EPHA3: variants seen among roughly 807,000 people sequenced by gnomAD.
EPHA3 encodes the protein EPH receptor A3.
EPHA3 carries 42 observed loss-of-function variants against 107.1 expected under a neutral mutation model. That is an observed-to-expected ratio of 0.39 (90% CI 0.31 to 0.51). EPHA3 has a LOEUF of 0.51. Among genes scored for constraint, EPHA3 ranks in the 20% least tolerant of loss-of-function variants. The pLI, the probability that EPHA3 is intolerant of heterozygous loss-of-function variation, is 0.78. For synonymous variants in EPHA3, 461 were observed against 424.8 expected (o/e 1.09, Z -1.05); for missense variants, 1,183 against 1,211.2 (o/e 0.98, Z 0.35).
At chr3:89,236,593 A>AG (rs576273791) in intron 3 of EPHA3, among the ~76,000 whole-genome samples, 47,690 of 85,804 alleles carry the variant, frequency 0.56, 12,699 homozygotes, top group African/African-American at 0.74. Context: ...GGGTGGGGGG[A>AG]GGGGGGAGGG....
chr3:89,472,705 T>C, intron 16 of EPHA3, 86 bp downstream of exon 16: 5 of 1,425,432 alleles, frequency 3.5e-6, no homozygotes, highest in South Asian at 1.3e-5. Context: ...CATCTTGGCT[T>C]GACATGTTAC....
At chr3:89,444,824 A>G (rs576917122) in intron 13 of EPHA3, among the ~76,000 whole-genome samples, 2 of 152,292 alleles carry the variant, frequency 1.3e-5, no homozygotes, top group East Asian at 3.9e-4. Flanking sequence ...GGTTAGATAG[A>G]AAAGAGATAA....
chr3:89,341,215 C>T (rs1390449420), intron 4 of EPHA3, 144 bp downstream of exon 4: 1 of 813,924 alleles, frequency 1.2e-6, no homozygotes, highest in African/African-American at 1.7e-5. Flanking sequence ...GCTTCACTCC[C>T]CATGCTTGGC....
chr3:89,149,593 C>T (rs1704644744), intron 2 of EPHA3, among the ~76,000 whole-genome samples: 2 of 151,622 alleles, frequency 1.3e-5, no homozygotes, highest in Non-Finnish European at 2.9e-5. Flanking sequence ...ATTAACTCAT[C>T]ATTTAACATT....
chr3:89,235,951 A>G (rs1212207475), intron 3 of EPHA3, among the ~76,000 whole-genome samples: 8 of 152,216 alleles, frequency 5.3e-5, no homozygotes, highest in Non-Finnish European at 7.4e-5. Context: ...CAAAGCAAAC[A>G]TATATATTCA....
intron 2 of EPHA3, among the ~76,000 whole-genome samples, chr3:89,137,336 C>T (rs1704335355): frequency 6.6e-6 from 1 of 151,910 alleles, no homozygotes; most frequent in Non-Finnish European, 1.5e-5. Flanking sequence ...AAATAATTCA[C>T]ACAAAAGCTT....
intron 3 of EPHA3, among the ~76,000 whole-genome samples, chr3:89,329,405 T>G (rs571411678): frequency 6.6e-6 from 1 of 152,236 alleles, no homozygotes; most frequent in East Asian, 1.9e-4. Context: ...TGTTCTTCCT[T>G]ATGGTCCACA....
At chr3:89,147,824 C>G (rs796260297) in intron 2 of EPHA3, among the ~76,000 whole-genome samples, 33 of 151,930 alleles carry the variant, frequency 2.2e-4, no homozygotes, top group African/African-American at 7.7e-4. Context: ...AACAAAATGA[C>G]TCATATATTA....
rs780509420 is a variant in EPHA3, at chr3:89,407,382, A to C, written c.1697+11A>C. 6.2e-7 allele frequency: 1 copy of C among 1,604,176 alleles called. No homozygotes were observed. Among genetic ancestry groups the C allele is most frequent in the South Asian group, 1.1e-5 (1 of 90,806 alleles). ...TGTTTTGATTGGGAGGTGAGTTCAC[A>C]GTCTGTTTCACTATTCACTTTCTTT... On this transcript the variant is annotated intron_variant, in intron 8 of 16. Transcript: ENST00000336596.
intron 2 of EPHA3, among the ~76,000 whole-genome samples, chr3:89,185,129 G>T (rs1705533516): frequency 2.0e-5 from 3 of 152,006 alleles, no homozygotes; most frequent in Admixed American, 1.3e-4. Flanking sequence ...CCTAAACCTA[G>T]AAACATTATG....
intron 5 of EPHA3, among the ~76,000 whole-genome samples, chr3:89,346,571 C>T (rs1707660977): frequency 6.7e-6 from 1 of 149,344 alleles, no homozygotes; most frequent in Non-Finnish European, 1.5e-5. Context: ...TGTAGGTTGC[C>T]TGTTCACTCT....
intron 15 of EPHA3, among the ~76,000 whole-genome samples, chr3:89,468,317 A>G (rs1710330796): frequency 1.3e-5 from 2 of 151,986 alleles, no homozygotes; most frequent in South Asian, 2.1e-4. Context: ...AGTTGGGGTC[A>G]CTAATCCTTA....
chr3:89,391,277 C>T (rs1198322067), intron 5 of EPHA3, among the ~76,000 whole-genome samples: 3 of 151,966 alleles, frequency 2.0e-5, no homozygotes, highest in African/African-American at 7.3e-5. Flanking sequence ...TTTTCAGTAC[C>T]GCTGTGTAAG....
chr3:89,234,502 G>C (rs1480297665), intron 3 of EPHA3, among the ~76,000 whole-genome samples: 1 of 152,016 alleles, frequency 6.6e-6, no homozygotes, highest in Admixed American at 6.6e-5. Flanking sequence ...AATTTTGATG[G>C]GTTAAAATTT....
intron 3 of EPHA3, among the ~76,000 whole-genome samples, chr3:89,313,488 C>G: frequency 6.6e-6 from 1 of 151,738 alleles, no homozygotes. Context: ...ATTTTCAATC[C>G]TCCATTGACC....
chr3:89,275,029 A>G (rs1347646787), intron 3 of EPHA3, among the ~76,000 whole-genome samples: 1 of 152,022 alleles, frequency 6.6e-6, no homozygotes, highest in African/African-American at 2.4e-5. Flanking sequence ...GAACTTTGCT[A>G]ATGATGAAAC....
At chr3:89,448,696 A>T (rs1324383828) in intron 13 of EPHA3, among the ~76,000 whole-genome samples, 1 of 152,150 alleles carries the variant, frequency 6.6e-6, no homozygotes, top group East Asian at 1.9e-4. Context: ...ATTGTGTTGA[A>T]GAGAGTTTTT....
chr3:89,385,729 A>T (rs926268431), intron 5 of EPHA3, among the ~76,000 whole-genome samples: 6 of 152,184 alleles, frequency 3.9e-5, no homozygotes, highest in African/African-American at 1.2e-4. Context: ...AAACAGGCTA[A>T]GGTTAGAACA....
At chr3:89,168,243 T>G (rs762611292) in intron 2 of EPHA3, among the ~76,000 whole-genome samples, 1 of 152,160 alleles carries the variant, frequency 6.6e-6, no homozygotes, top group Non-Finnish European at 1.5e-5. Context: ...AAATAATTAG[T>G]GTACTAGTGC....
Sources: gnomAD v4.1 joint callset for allele counts (sites outside exome capture counted in the v4.1 genomes callset) on GRCh38, gnomAD v4.1.1 for gene constraint, MANE v1.5 for transcripts, NCBI Gene and HGNC (gene_info 2026-07-23, HGNC 2026-07-21) for gene names.